BTN2A1: variants seen among roughly 807,000 people sequenced by gnomAD.
BTN2A1 encodes the protein butyrophilin subfamily 2 member A1, also known as butyrophilin, subfamily 2, member A1.
A neutral mutation model predicts 34.5 loss-of-function variants in BTN2A1; 41 were observed. That is an observed-to-expected ratio of 1.19 (90% CI 0.93 to 1.54). The LOEUF is 1.54. Ranked by LOEUF, BTN2A1 falls within the 40% of genes most tolerant of loss-of-function variation. The probability of loss-of-function intolerance (pLI) is 0.00; values close to 1 mark genes in which losing one functional copy is unlikely to be tolerated. For synonymous variants in BTN2A1, 267 were observed against 258.6 expected (o/e 1.03, Z -0.31); for missense variants, 642 against 662.0 (o/e 0.97, Z 0.33).
chr6:26,473,413 A>T (rs965657368), downstream of BTN2A1, among the ~76,000 whole-genome samples: 1 of 152,222 alleles, frequency 6.6e-6, no homozygotes, highest in Non-Finnish European at 1.5e-5. Flanking sequence ...AAAAATATAA[A>T]ATATGCAGTT....
At chr6:26,463,102 CT>C (rs1406710469) in intron 3 of BTN2A1, 141 bp from the exon 4 acceptor site, 14 of 1,100,360 alleles carry the variant, frequency 1.3e-5, no homozygotes, top group South Asian at 1.6e-5. Flanking sequence ...TACCCTCATC[CT>C]TTTTTTCTTC....
downstream of BTN2A1, among the ~76,000 whole-genome samples, chr6:26,471,870 G>A (rs1438864469): frequency 6.6e-6 from 1 of 152,198 alleles, no homozygotes; most frequent in Non-Finnish European, 1.5e-5. Flanking sequence ...GTCCAGGTGA[G>A]ACCTCAAGGC....
At chr6:26,463,891 T>C (rs1763241766) in intron 4 of BTN2A1, among the ~76,000 whole-genome samples, 1 of 151,964 alleles carries the variant, frequency 6.6e-6, no homozygotes, top group Non-Finnish European at 1.5e-5. Context: ...AACCTCCTCC[T>C]CCCAGGTTCA....
At chr6:26,473,179 G>A (rs1477307152), downstream of BTN2A1, among the ~76,000 whole-genome samples, 1 of 152,118 alleles carries the variant, frequency 6.6e-6, no homozygotes, top group Non-Finnish European at 1.5e-5. Context: ...GGGACCCATT[G>A]CTACCTGCCT....
intron 1 of BTN2A1, among the ~76,000 whole-genome samples, chr6:26,458,348 C>T (rs756201182): frequency 1.3e-5 from 2 of 152,104 alleles, no homozygotes; most frequent in African/African-American, 4.8e-5. Context: ...TAGAATCCAG[C>T]GACAACTGAA....
intron 7 of BTN2A1, among the ~76,000 whole-genome samples, chr6:26,466,796 T>C (rs1763328154): frequency 6.6e-6 from 1 of 152,194 alleles, no homozygotes; most frequent in Non-Finnish European, 1.5e-5. Flanking sequence ...TGGGACAAAA[T>C]AGCAAATTGT....
At chr6:26,465,480 T>A in intron 5 of BTN2A1, 74 bp downstream of exon 5, 1 of 1,438,612 alleles carries the variant, frequency 7.0e-7, no homozygotes, top group East Asian at 2.3e-5. Context: ...GCAGATCACT[T>A]GAGCCCTGGA....
In BTN2A1 at chr6:26,463,100, TC is replaced by T; in HGVS notation, c.431-142del. 3 of 1,074,780 alleles carry T rather than the reference TC, an allele frequency of 2.8e-6. 1 individual carries two copies. Among genetic ancestry groups the T allele is most frequent in the Non-Finnish European group, 2.6e-6 (2 of 764,166 alleles). The allele number at this position is 1,074,780 out of a possible 1,614,324, so 66.6% of individuals were successfully genotyped here. A position where few individuals can be genotyped will look rare whatever the true frequency, so the allele number is the denominator to read the frequency against. On this transcript the variant is annotated intron_variant, in intron 3 of 7. Transcript: ENST00000312541. ...CAATGTTCTTTCTTCCTTACCCTCA[TC>T]CTTTTTTTCTTCCTTCCTATTTCTT... is the stretch of plus-strand genomic sequence containing the variant.
chr6:26,467,227 C>T (rs1332752288), intron 7 of BTN2A1, among the ~76,000 whole-genome samples: 1 of 152,146 alleles, frequency 6.6e-6, no homozygotes, highest in African/African-American at 2.4e-5. Flanking sequence ...AGGAGCAGGA[C>T]ATAAAGCCTT....
intron 7 of BTN2A1, among the ~76,000 whole-genome samples, chr6:26,466,755 T>C (rs947300562): frequency 2.0e-5 from 3 of 152,200 alleles, no homozygotes; most frequent in Non-Finnish European, 4.4e-5. Flanking sequence ...CTTTCCTCTT[T>C]AGGTGAATTT....
At chr6:26,472,735 C>G (rs1763473004), downstream of BTN2A1, among the ~76,000 whole-genome samples, 1 of 152,010 alleles carries the variant, frequency 6.6e-6, no homozygotes, top group Non-Finnish European at 1.5e-5. Flanking sequence ...TTGTACCATG[C>G]CCAAGAAGAA....
chr6:26,459,874 T>C (rs1420634636), intron 3 of BTN2A1, 46 bp downstream of exon 3: 3 of 1,552,176 alleles, frequency 1.9e-6, no homozygotes, highest in Admixed American at 1.9e-5. Flanking sequence ...AGTGTGACTT[T>C]GGGGAAAGTT....
chr6:26,474,638 T>C (rs1341087429), intron 7 of BTN2A1, among the ~76,000 whole-genome samples: 1 of 151,902 alleles, frequency 6.6e-6, no homozygotes, highest in Admixed American at 6.6e-5. Flanking sequence ...GAGGGTAGAA[T>C]GCAAAGAGTA....
chr6:26,465,034 G>A (rs2113862097), intron 4 of BTN2A1, 151 bp from the exon 5 acceptor site: 1 of 677,526 alleles, frequency 1.5e-6, no homozygotes, highest in Non-Finnish European at 2.5e-6. Context: ...TCAGCCAGGT[G>A]TGAGCCAGCA....
chr6:26,463,397 CTGATGCA>C lies in BTN2A1; in HGVS notation c.585_591del (p.Asp196ThrfsTer10), dbSNP rs760144826. ...CCTGCCCTGAAAGAGGTCTCCATGC[CTGATGCA>C]GACGGCCTCTTCATGGTCACCACGG... On this transcript the variant is annotated frameshift_variant, in exon 4 of 8. Coordinates refer to ENST00000312541, the MANE Select transcript of BTN2A1 (RefSeq NM_007049.5). LOFTEE classifies it high-confidence loss of function. 293 of 1,614,150 alleles carry C rather than the reference CTGATGCA, an allele frequency of 1.8e-4. No individual in the cohort carries two copies. Among genetic ancestry groups the C allele is most frequent in the Non-Finnish European group, 2.3e-4 (267 of 1,180,038 alleles).
chr6:26,459,735 CACA>C lies in BTN2A1; in HGVS notation c.341_343del (p.Asn114del), dbSNP rs762374017. On this transcript the variant is annotated inframe_deletion, in exon 3 of 8. Transcript: ENST00000312541. ...CAGGGGCAGCGTGGCCCTGGTCATA[CACA>C]ACATCACAGCCCAGGAAAACGGCAC... The C allele has an allele frequency of 1.2e-6, 2 of 1,614,128 alleles. No individual in the cohort carries two copies. Among genetic ancestry groups the C allele is most frequent in the Non-Finnish European group, 1.7e-6 (2 of 1,180,000 alleles).
intron 5 of BTN2A1, chr6:26,465,750 T>C: frequency 1.1e-6 from 1 of 916,046 alleles, no homozygotes. Flanking sequence ...TACTAAATGG[T>C]TGAGCAAAAG....
At chr6:26,467,923 C>G in intron 7 of BTN2A1, 25 bp from the exon 8 acceptor site, 1 of 1,602,808 alleles carries the variant, frequency 6.2e-7, no homozygotes, top group Non-Finnish European at 8.5e-7. Context: ...AGACCCCAGG[C>G]CTAAACCTGA....
chr6:26,465,220 G>A lies in BTN2A1; in HGVS notation c.748G>A (p.Ala250Thr). Residue 250 changes from alanine (A) to threonine (T), a missense_variant, in exon 5 of 8, where the codon GCC (alanine) becomes ACC (threonine). By Grantham distance (58) the Ala-to-Thr change is moderately conservative. Coordinates refer to ENST00000312541, the MANE Select transcript of BTN2A1 (RefSeq NM_007049.5). The part of the protein sequence containing the change: ...FMPSVSPCAV[A>T]LPIIVVILMI... ...GCCCAGTGTGTCTCCCTGTGCAGTG[G>A]CCCTGCCTATCATTGTGGTTATTCT... The A allele has an allele frequency of 6.2e-7, 1 of 1,614,132 alleles. No homozygotes were observed. The highest frequency in any genetic ancestry group is 8.5e-7 in the Non-Finnish European group (1 of 1,179,994).
Sources: allele counts gnomAD v4.1 joint callset (sites outside exome capture counted in the v4.1 genomes callset), GRCh38; gene constraint gnomAD v4.1.1; transcripts MANE v1.5; gene names NCBI Gene and HGNC (gene_info 2026-07-23, HGNC 2026-07-21).